RAB38: variants seen among roughly 807,000 people sequenced by gnomAD.
RAB38 encodes ras-related protein Rab-38.
RAB38 carries 15 observed loss-of-function variants against 18.4 expected under a neutral mutation model. The observed-to-expected ratio is 0.82, with a 90% confidence interval of 0.55 to 1.26. The LOEUF is 1.26. Ranked by LOEUF, RAB38 falls within the 50% of genes most tolerant of loss-of-function variation. RAB38 has a pLI of 0.00. For missense variants in RAB38, 294 were observed against 267.4 expected, an observed-to-expected ratio of 1.10 and a Z score of -0.69; for synonymous variants, 101 against 104.4, an observed-to-expected ratio of 0.97 and a Z score of 0.20.
At chr11:87,845,361 G>C in the RAB38 span, among the ~76,000 whole-genome samples, 1 of 152,050 alleles carries the variant, frequency 6.6e-6, no homozygotes, top group South Asian at 2.1e-4. Context: ...CACATGTGAG[G>C]TGAATTAGAA....
the RAB38 span, among the ~76,000 whole-genome samples, chr11:88,045,985 T>G: frequency 8.5e-3 from 1,296 of 152,250 alleles, 17 homozygotes; most frequent in African/African-American, 0.03. Context: ...TCCCTGATTA[T>G]TCCTGGGCTA....
At chr11:87,804,612 A>G in the RAB38 span, among the ~76,000 whole-genome samples, 1 of 151,972 alleles carries the variant, frequency 6.6e-6, no homozygotes, top group Non-Finnish European at 1.5e-5. Flanking sequence ...CTCACCAGAC[A>G]GTTAGCTTCT....
chr11:87,941,214 G>GATAGATATATATATATATAT, the RAB38 span, among the ~76,000 whole-genome samples: 3 of 62,552 alleles, frequency 4.8e-5, no homozygotes, highest in African/African-American at 2.3e-4. Context: ...AAATATATGA[G>GATAGATATATATATATATAT]ATATATATAT....
the RAB38 span, among the ~76,000 whole-genome samples, chr11:87,867,424 A>G: frequency 6.6e-6 from 1 of 151,800 alleles, no homozygotes; most frequent in South Asian, 2.1e-4. Flanking sequence ...TCTTCTAGGC[A>G]AAACTTAATC....
the RAB38 span, among the ~76,000 whole-genome samples, chr11:87,865,581 C>T: frequency 7.9e-5 from 12 of 151,628 alleles, no homozygotes; most frequent in South Asian, 1.2e-3. Flanking sequence ...ACTTCAAAAC[C>T]GTGAGATGAA....
At chr11:87,827,198 A>G in the RAB38 span, among the ~76,000 whole-genome samples, 12 of 152,194 alleles carry the variant, frequency 7.9e-5, no homozygotes, top group African/African-American at 1.4e-4. Context: ...ATTCTATATG[A>G]TAACAAATAT....
the RAB38 span, among the ~76,000 whole-genome samples, chr11:87,882,481 ATTGT>A: frequency 3.3e-5 from 5 of 151,900 alleles, no homozygotes; most frequent in Admixed American, 6.6e-5. Context: ...CAATCTGCAG[ATTGT>A]TTGAGAACCA....
At chr11:88,092,572 C>T in the RAB38 span, among the ~76,000 whole-genome samples, 1 of 151,814 alleles carries the variant, frequency 6.6e-6, no homozygotes. Context: ...ATGACCCAAA[C>T]ACCTCCCACT....
chr11:87,823,796 T>C, the RAB38 span, among the ~76,000 whole-genome samples: 1 of 152,054 alleles, frequency 6.6e-6, no homozygotes, highest in Non-Finnish European at 1.5e-5. Context: ...GTTCATACAA[T>C]GGAATACTAT....
At chr11:87,949,542 C>T in the RAB38 span, among the ~76,000 whole-genome samples, 1 of 152,112 alleles carries the variant, frequency 6.6e-6, no homozygotes, top group Non-Finnish European at 1.5e-5. Context: ...TATAAATATC[C>T]CTCTACACAC....
At chr11:88,139,339 T>A (rs73528911) in intron 2 of RAB38, among the ~76,000 whole-genome samples, 2 of 152,216 alleles carry the variant, frequency 1.3e-5, no homozygotes, top group African/African-American at 4.8e-5. Flanking sequence ...GCCTCTCTTA[T>A]TCTTGGCAAC....
the RAB38 span, among the ~76,000 whole-genome samples, chr11:87,851,028 G>A: frequency 6.6e-6 from 1 of 152,286 alleles, no homozygotes; most frequent in East Asian, 1.9e-4. Flanking sequence ...TCAAGCCTGG[G>A]GGCGGTCCCC....
chr11:88,021,653 C>A, the RAB38 span, among the ~76,000 whole-genome samples: 1 of 149,782 alleles, frequency 6.7e-6, no homozygotes, highest in Non-Finnish European at 1.5e-5. Context: ...TGCAGTGGCA[C>A]GATCTTGGCT....
chr11:88,009,466 G>A, the RAB38 span, among the ~76,000 whole-genome samples: 2 of 152,280 alleles, frequency 1.3e-5, no homozygotes, highest in Middle Eastern at 3.4e-3. Flanking sequence ...CTGGGGAGAA[G>A]TTTCAGGGTA....
At chr11:87,915,718 T>G in the RAB38 span, among the ~76,000 whole-genome samples, 1 of 152,128 alleles carries the variant, frequency 6.6e-6, no homozygotes, top group Non-Finnish European at 1.5e-5. Flanking sequence ...TTTACTCTCT[T>G]AATAAACTTG....
chr11:88,114,238 C>G, intron 2 of RAB38, 98 bp from the exon 3 acceptor site: 3 of 1,301,122 alleles, frequency 2.3e-6, no homozygotes, highest in Non-Finnish European at 3.2e-6. Flanking sequence ...ATATTCCTTC[C>G]TATATGCTAC....
the RAB38 span, among the ~76,000 whole-genome samples, chr11:87,890,783 A>G: frequency 1.3e-5 from 2 of 151,910 alleles, no homozygotes; most frequent in African/African-American, 4.8e-5. Flanking sequence ...TTATTTTTCA[A>G]GAAAAATTTG....
the RAB38 span, among the ~76,000 whole-genome samples, chr11:87,853,073 T>A: frequency 6.6e-6 from 1 of 152,182 alleles, no homozygotes; most frequent in Non-Finnish European, 1.5e-5. Context: ...GTGTTATAGT[T>A]GTGATATCAC....
the RAB38 span, among the ~76,000 whole-genome samples, chr11:87,913,357 G>A: frequency 6.6e-6 from 1 of 151,882 alleles, no homozygotes; most frequent in Non-Finnish European, 1.5e-5. Context: ...TTTTGTCAAG[G>A]GTTTTCTTTC....
Sources: gnomAD v4.1 joint callset for allele counts (sites outside exome capture counted in the v4.1 genomes callset) on GRCh38, gnomAD v4.1.1 for gene constraint, MANE v1.5 for transcripts, NCBI Gene and HGNC (gene_info 2026-07-23, HGNC 2026-07-21) for gene names.